Variants in FSTL5 observed in about 807,000 individuals in gnomAD.
FSTL5 encodes the protein follistatin like 5.
Under a neutral mutation model 89.1 loss-of-function variants are expected in FSTL5, and 62 were observed. The ratio of observed to expected loss-of-function variants is 0.70; its 90% CI spans 0.57 to 0.86. The LOEUF is 0.86. Ranked by LOEUF, FSTL5 falls within the 40% of genes least tolerant of loss-of-function variation. The probability of loss-of-function intolerance (pLI) is 0.00; values close to 1 mark genes in which losing one functional copy is unlikely to be tolerated. For missense variants in FSTL5, 1,057 were observed against 1,001.6 expected (o/e 1.06, Z -0.75); for synonymous variants, 383 against 346.2 (o/e 1.11, Z -1.18).
intron 2 of FSTL5, among the ~76,000 whole-genome samples, chr4:162,055,555 ATAG>A (rs1738515268): frequency 6.6e-6 from 1 of 151,700 alleles, no homozygotes; most frequent in Non-Finnish European, 1.5e-5. Context: ...AGATAGATAG[ATAG>A]ATAGACAAAT....
At chr4:162,131,369 T>C (rs1206896694) in intron 1 of FSTL5, among the ~76,000 whole-genome samples, 1 of 152,154 alleles carries the variant, frequency 6.6e-6, no homozygotes, top group African/African-American at 2.4e-5. Flanking sequence ...GGTGACAAAC[T>C]ATGGATTGTG....
chr4:161,492,151 CAG>C (rs1729901220), intron 12 of FSTL5, among the ~76,000 whole-genome samples: 3 of 152,016 alleles, frequency 2.0e-5, no homozygotes, highest in African/African-American at 7.2e-5. Flanking sequence ...TTTGTGTCCT[CAG>C]TGTACATCTG....
At chr4:161,629,834 G>C (rs186464635) in intron 7 of FSTL5, among the ~76,000 whole-genome samples, 116 of 152,280 alleles carry the variant, frequency 7.6e-4, no homozygotes, top group African/African-American at 2.6e-3. Context: ...AATTACAAAG[G>C]CTTTACCTGG....
intron 6 of FSTL5, among the ~76,000 whole-genome samples, chr4:161,684,327 T>G (rs1737631308): frequency 6.6e-6 from 1 of 152,172 alleles, no homozygotes; most frequent in African/African-American, 2.4e-5. Context: ...GTAGTTCTAC[T>G]TTTAGATCTT....
chr4:161,605,467 T>A (rs2126629667), intron 7 of FSTL5, among the ~76,000 whole-genome samples: 1 of 152,330 alleles, frequency 6.6e-6, no homozygotes, highest in Middle Eastern at 3.4e-3. Context: ...AAGTTAACAC[T>A]CGCAAGCTTT....
intron 6 of FSTL5, among the ~76,000 whole-genome samples, chr4:161,716,919 T>C (rs1203262506): frequency 6.6e-6 from 1 of 152,182 alleles, no homozygotes; most frequent in Non-Finnish European, 1.5e-5. Context: ...AGAGAAGTGG[T>C]TAGGTAAAAA....
intron 3 of FSTL5, among the ~76,000 whole-genome samples, chr4:161,961,719 T>C: frequency 6.6e-6 from 1 of 151,780 alleles, no homozygotes; most frequent in Non-Finnish European, 1.5e-5. Flanking sequence ...ACAATATCAA[T>C]TTCTCCGAAG....
chr4:162,033,079 G>A (rs988375711), intron 3 of FSTL5, among the ~76,000 whole-genome samples: 2 of 152,162 alleles, frequency 1.3e-5, no homozygotes, highest in Admixed American at 6.6e-5. Context: ...AATCTACATA[G>A]AGTAATTTAT....
In FSTL5 at chr4:161,887,575, T is replaced by A. The variant is rs1732855861; in HGVS notation, c.409+32829A>T. ...CATTTTATCTTTTGCTACAATATCC[T>A]TAATGGTACCTTTAGCATCTTTTAA... On this transcript the variant is annotated intron_variant, in intron 4 of 15. Transcript: ENST00000306100. Among the ~76,000 whole-genome samples the A allele has an allele frequency of 3.3e-5, 5 of 152,258 alleles. No homozygotes were observed. In the South Asian group the frequency reaches 1.0e-3, roughly 32 times the overall value.
intron 2 of FSTL5, among the ~76,000 whole-genome samples, chr4:162,105,162 C>T (rs1731171093): frequency 1.3e-5 from 2 of 151,690 alleles, no homozygotes; most frequent in South Asian, 4.1e-4. Context: ...AAATGATCAT[C>T]ACCATCAGTT....
intron 2 of FSTL5, among the ~76,000 whole-genome samples, chr4:162,049,395 T>C (rs1371784567): frequency 6.6e-6 from 1 of 152,220 alleles, no homozygotes; most frequent in Non-Finnish European, 1.5e-5. Context: ...ACTGATTACA[T>C]ATACTTGCTC....
At chr4:161,711,610 A>C (rs1415742841) in intron 6 of FSTL5, among the ~76,000 whole-genome samples, 4 of 152,118 alleles carry the variant, frequency 2.6e-5, no homozygotes, top group Non-Finnish European at 5.9e-5. Context: ...TTTAGAAGCT[A>C]TTTTTAACTC....
intron 12 of FSTL5, among the ~76,000 whole-genome samples, chr4:161,483,015 C>T (rs1278475870): frequency 6.6e-6 from 1 of 152,154 alleles, no homozygotes; most frequent in Non-Finnish European, 1.5e-5. Flanking sequence ...TTCTATGTAC[C>T]ATGGCCATTA....
At chr4:161,684,466 C>A (rs984955152) in intron 6 of FSTL5, among the ~76,000 whole-genome samples, 4 of 151,958 alleles carry the variant, frequency 2.6e-5, no homozygotes, top group African/African-American at 7.2e-5. Flanking sequence ...TCATTCTTGC[C>A]GGAGTTAGGT....
At chr4:161,765,897 C>T (rs889633824) in intron 5 of FSTL5, among the ~76,000 whole-genome samples, 5 of 151,444 alleles carry the variant, frequency 3.3e-5, no homozygotes, top group African/African-American at 4.9e-5. Flanking sequence ...CGGGTTCAAG[C>T]GATTCTCCTG....
At chr4:161,734,437 T>G (rs954873696) in intron 6 of FSTL5, among the ~76,000 whole-genome samples, 4 of 152,224 alleles carry the variant, frequency 2.6e-5, no homozygotes, top group African/African-American at 7.2e-5. Context: ...TGGCTGACAC[T>G]AATGCCTTCT....
chr4:161,495,115 C>T (rs1407764161), intron 12 of FSTL5: 2 of 152,060 alleles, frequency 1.3e-5, no homozygotes, highest in African/African-American at 4.8e-5. Flanking sequence ...CTTTCAGGTT[C>T]CACAATATAA....
At chr4:161,390,281 A>G (rs1355681582) in intron 15 of FSTL5, among the ~76,000 whole-genome samples, 1 of 152,118 alleles carries the variant, frequency 6.6e-6, no homozygotes, top group Non-Finnish European at 1.5e-5. Context: ...AAGTCACAGA[A>G]AATTTTGTGG....
intron 15 of FSTL5, among the ~76,000 whole-genome samples, chr4:161,401,651 A>C (rs1731183279): frequency 6.6e-6 from 1 of 152,038 alleles, no homozygotes; most frequent in Admixed American, 6.6e-5. Context: ...CAGCCTCCAT[A>C]GTAGCTGGGA....
Sources: gnomAD v4.1 joint callset for allele counts (sites outside exome capture counted in the v4.1 genomes callset) on GRCh38, gnomAD v4.1.1 for gene constraint, MANE v1.5 for transcripts, NCBI Gene and HGNC (gene_info 2026-07-23, HGNC 2026-07-21) for gene names.